The following PDE1C variants were observed in gnomAD, a reference collection of about 807,000 sequenced individuals.
PDE1C encodes dual specificity calcium/calmodulin-dependent 3',5'-cyclic nucleotide phosphodiesterase 1C.
PDE1C carries 62 observed loss-of-function variants against 93.1 expected under a neutral mutation model. That is an observed-to-expected ratio of 0.67 (90% CI 0.54 to 0.82). The LOEUF is 0.82. PDE1C is among the 40% of genes least tolerant of loss of function. PDE1C has a pLI of 0.00. For synonymous variants in PDE1C, 325 were observed against 310.1 expected, an observed-to-expected ratio of 1.05 and a Z score of -0.50; for missense variants, 742 against 884.6, an observed-to-expected ratio of 0.84 and a Z score of 2.04.
At chr7:32,226,526 T>G (rs911537612) in intron 1 of PDE1C, among the ~76,000 whole-genome samples, 1 of 152,196 alleles carries the variant, frequency 6.6e-6, no homozygotes, top group Admixed American at 6.5e-5. Context: ...AGTAAGAAGA[T>G]GAAGCGGGCC....
intron 16 of PDE1C, among the ~76,000 whole-genome samples, chr7:31,801,545 G>C (rs1280688863): frequency 6.6e-6 from 1 of 151,422 alleles, no homozygotes; most frequent in African/African-American, 2.4e-5. Flanking sequence ...AGAAGTCTTT[G>C]TTTCCTTGCT....
At chr7:32,144,879 C>T (rs1367963995) in intron 3 of PDE1C, among the ~76,000 whole-genome samples, 1 of 151,962 alleles carries the variant, frequency 6.6e-6, no homozygotes, top group Non-Finnish European at 1.5e-5. Flanking sequence ...ATTTTCCATG[C>T]GTTAGCTCTA....
At chr7:31,644,133 C>G in the PDE1C span, among the ~76,000 whole-genome samples, 1 of 152,110 alleles carries the variant, frequency 6.6e-6, no homozygotes, top group Non-Finnish European at 1.5e-5. Context: ...CATTTCTTCT[C>G]GATACTTCCA....
At chr7:32,353,894 C>A (rs1307397817) in intron 1 of PDE1C, among the ~76,000 whole-genome samples, 1 of 152,190 alleles carries the variant, frequency 6.6e-6, no homozygotes, top group Non-Finnish European at 1.5e-5. Context: ...GACATCAATA[C>A]AATCTCCTCA....
At chr7:32,119,091 T>TTC (rs142654764) in intron 3 of PDE1C, among the ~76,000 whole-genome samples, 6 of 151,850 alleles carry the variant, frequency 4.0e-5, no homozygotes, top group East Asian at 1.9e-4. Context: ...TTATTTTCCC[T>TTC]TCTCTCTCTC....
chr7:32,349,907 C>T (rs554475163), intron 1 of PDE1C, among the ~76,000 whole-genome samples: 34 of 152,338 alleles, frequency 2.2e-4, no homozygotes, highest in Admixed American at 5.2e-4. Flanking sequence ...GGATTACAGG[C>T]GTGAGCCACC....
intron 17 of PDE1C, among the ~76,000 whole-genome samples, chr7:31,764,478 G>A (rs1265407714): frequency 1.3e-5 from 2 of 152,142 alleles, no homozygotes; most frequent in African/African-American, 4.8e-5. Context: ...CTAACCTCAA[G>A]TACAAAGAGT....
intron 2 of PDE1C, among the ~76,000 whole-genome samples, chr7:31,968,212 A>C (rs1265260909): frequency 6.6e-6 from 1 of 152,182 alleles, no homozygotes; most frequent in Non-Finnish European, 1.5e-5. Context: ...AGAAAACCCC[A>C]TCGTCTCAGC....
rs558622612 is a variant in PDE1C, at chr7:32,146,924, G to T, written c.308+22861C>A. On this transcript the variant is annotated intron_variant, in intron 3 of 18. Transcript: ENST00000396193. The stretch of plus-strand genomic sequence containing the variant: ...TATTGTTTATAAGAGTATAAACTAT[G>T]ATAAAAATGTCAAAAAATAATTTGG... Among the ~76,000 whole-genome samples, 441 of 152,114 alleles carry T rather than the reference G, an allele frequency of 2.9e-3. 3 individuals are homozygous for T. Among genetic ancestry groups the T allele is most frequent in the Non-Finnish European group, 5.1e-3 (350 of 67,964 alleles).
chr7:32,206,181 T>G (rs932227680), intron 2 of PDE1C, among the ~76,000 whole-genome samples: 4 of 152,046 alleles, frequency 2.6e-5, no homozygotes, highest in Admixed American at 6.6e-5. Flanking sequence ...ACTCTCCCAC[T>G]AGCATGTAGG....
chr7:32,249,192 G>A (rs551441587), intron 1 of PDE1C, among the ~76,000 whole-genome samples: 23 of 152,118 alleles, frequency 1.5e-4, no homozygotes, highest in African/African-American at 5.1e-4. Context: ...TTCAATCAGG[G>A]CATAAAAATT....
chr7:31,851,318 GA>G lies in PDE1C; in HGVS notation c.751-578del. Among the ~76,000 whole-genome samples the G allele has an allele frequency of 2.6e-5, 4 of 152,268 alleles. No homozygotes were observed. The South Asian group carries it at 8.3e-4, about 32-fold the overall frequency. Reference sequence around the variant, plus strand: ...AGTGGTTCACAAAATGTGTTCCTTGGACATGCAGATGGTGTCAGCTGGGAGC... The same window carrying G: ...AGTGGTTCACAAAATGTGTTCCTTGGCATGCAGATGGTGTCAGCTGGGAGC... On this transcript the variant is annotated intron_variant, in intron 7 of 17. Transcript: ENST00000396191.
At chr7:31,681,338 A>C in the PDE1C span, among the ~76,000 whole-genome samples, 13 of 149,644 alleles carry the variant, frequency 8.7e-5, no homozygotes, top group Non-Finnish European at 1.8e-4. Context: ...AATTCCTCAC[A>C]GTTCAGTTGG....
the PDE1C span, chr7:31,692,558 G>T: frequency 1.3e-6 from 2 of 1,549,282 alleles, no homozygotes; most frequent in Non-Finnish European, 1.8e-6. Context: ...GTCAGTGGTG[G>T]AAGTCAGAGA....
chr7:32,228,584 A>G (rs564749888), intron 1 of PDE1C, among the ~76,000 whole-genome samples: 4 of 152,290 alleles, frequency 2.6e-5, no homozygotes, highest in Non-Finnish European at 4.4e-5. Context: ...TTTGTGTCCA[A>G]GAAGCTCCAT....
At chr7:32,356,665 C>G (rs1784034953) in intron 1 of PDE1C, among the ~76,000 whole-genome samples, 1 of 152,168 alleles carries the variant, frequency 6.6e-6, no homozygotes, top group South Asian at 2.1e-4. Context: ...CCTCCTCACC[C>G]CTGCAAATTA....
chr7:31,873,868 C>T lies in PDE1C; in HGVS notation c.493-460G>A, dbSNP rs75669882. Among the ~76,000 whole-genome samples the T allele has an allele frequency of 9.3e-3, 1,416 of 152,312 alleles. 25 individuals are homozygous for T. The highest frequency in any genetic ancestry group is 0.032 in the African/African-American group (1,345 of 41,566). ...TTTCCATTAAGCCCTGCAGCTGCTA[C>T]TGTTTAATTCACTACAGCCTACGAT... On this transcript the variant is annotated intron_variant, in intron 5 of 17. Transcript: ENST00000396191.
intron 2 of PDE1C, among the ~76,000 whole-genome samples, chr7:32,205,615 C>G (rs1383085980): frequency 6.6e-6 from 1 of 152,184 alleles, no homozygotes; most frequent in East Asian, 1.9e-4. Flanking sequence ...CCCCAGCCAA[C>G]CCGTTTGGGT....
At chr7:31,691,530 C>G in the PDE1C span, among the ~76,000 whole-genome samples, 1 of 152,194 alleles carries the variant, frequency 6.6e-6, no homozygotes, top group East Asian at 1.9e-4. Context: ...ATGCATTTCT[C>G]CTTCAGACCT....
Sources: gnomAD v4.1 joint callset for allele counts (sites outside exome capture counted in the v4.1 genomes callset) on GRCh38, gnomAD v4.1.1 for gene constraint, MANE v1.5 for transcripts, NCBI Gene and HGNC (gene_info 2026-07-23, HGNC 2026-07-21) for gene names.